The following ACAD9 variants were observed in gnomAD, a reference collection of about 807,000 sequenced individuals.
ACAD9 encodes complex I assembly factor ACAD9, mitochondrial.
ACAD9 carries 53 observed loss-of-function variants against 70.2 expected under a neutral mutation model. The observed-to-expected ratio is 0.75, with a 90% CI of 0.61 to 0.95. The LOEUF (loss-of-function observed/expected upper bound fraction) is 0.95, where lower values mean the gene tolerates loss of function less well. Among genes scored for constraint, ACAD9 ranks in the 40% least tolerant of loss-of-function variants. The probability of loss-of-function intolerance (pLI) is 0.00; values close to 1 mark genes in which losing one functional copy is unlikely to be tolerated. For synonymous variants in ACAD9, 313 were observed against 312.1 expected, an observed-to-expected ratio of 1.00 and a Z score of -0.03; for missense variants, 777 against 802.8, an observed-to-expected ratio of 0.97 and a Z score of 0.39.
At position 128,902,819 on chromosome 3, in the gene ACAD9, C is replaced by T. The variant is rs542030418; in HGVS notation, c.958+191C>T. ...CCTGCCCCTGAGGTTTGTTGTCTTC[C>T]GCATTCCTCTGTTTCACCTCCACCC... On this transcript the variant is annotated intron_variant, in intron 9 of 17. Transcript: ENST00000308982. This position sits in a 1 kb window ranked among gnomAD's most constrained non-coding sequence, Gnocchi z 4.0. 4.3e-4 allele frequency among the ~76,000 whole-genome samples: 65 copies of T among 152,288 alleles called. No homozygotes were observed. The highest frequency in any genetic ancestry group is 6.3e-4 in the Non-Finnish European group (43 of 68,014).
intron 4 of ACAD9, among the ~76,000 whole-genome samples, chr3:128,896,023 T>C (rs940066903): frequency 2.0e-5 from 3 of 152,212 alleles, no homozygotes; most frequent in African/African-American, 7.2e-5. Flanking sequence ...GCACCTTCTT[T>C]AGGATAGGCT....
chr3:128,899,954 CAT>C (rs1156650156), intron 7 of ACAD9, among the ~76,000 whole-genome samples: 1 of 152,188 alleles, frequency 6.6e-6, no homozygotes, highest in Admixed American at 6.5e-5. Flanking sequence ...CCGTGGGAGA[CAT>C]AGTCTCCCTC....
At chr3:128,910,426 G>A in intron 16 of ACAD9, 1 of 1,296,088 alleles carries the variant, frequency 7.7e-7, no homozygotes, top group Non-Finnish European at 1.0e-6. Flanking sequence ...CGCTGTGCTG[G>A]AGGGAGGCGG....
chr3:128,896,664 A>G (rs1455282105), intron 5 of ACAD9, 128 bp downstream of exon 5: 14 of 882,338 alleles, frequency 1.6e-5, no homozygotes, highest in African/African-American at 3.3e-5. Context: ...CAAAGAATCA[A>G]CTCAGCAACT....
chr3:128,889,564 A>T (rs1053735728), intron 2 of ACAD9, among the ~76,000 whole-genome samples: 1 of 152,032 alleles, frequency 6.6e-6, no homozygotes, highest in African/African-American at 2.4e-5. Context: ...GCAACTGCTG[A>T]TCTGTTTTCT....
chr3:128,911,634 G>A (rs1559836851), intron 17 of ACAD9, among the ~76,000 whole-genome samples: 4 of 151,862 alleles, frequency 2.6e-5, no homozygotes. Context: ...AACAAACAGG[G>A]TTTCACCATG....
rs1935194509 is a variant in ACAD9, at chr3:128,884,681, G to A, written c.179G>A (p.Ser60Asn). ...KKEVFPFPEVSQDELNEINQF... is the reference protein window; with the variant it reads ...KKEVFPFPEVNQDELNEINQF... ...GAAGTTTTCCCATTTCCAGAAGTTA[G>A]CCAAGATGAACTTAATGAAATCAAT... Residue 60 changes from serine (S) to asparagine (N), a missense_variant, in exon 2 of 18, where the codon AGC becomes AAC. By Grantham distance (46) the Ser-to-Asn change is conservative. Coordinates refer to ENST00000308982, the MANE Select transcript of ACAD9 (RefSeq NM_014049.5). 1.2e-6 allele frequency: 2 copies of A among 1,612,502 alleles called. No individual in the cohort carries two copies. Among genetic ancestry groups the A allele is most frequent in the Non-Finnish European group, 1.7e-6 (2 of 1,179,638 alleles).
rs778926576 is a variant in ACAD9, at chr3:128,896,442, A to G, written c.460A>G (p.Ile154Val). ...AHQAIGLKGI[I>V]LAGTEEQKAK... Reference sequence around the variant, plus strand: ...CTGTGTCTGTTTTGTTTAGGGGATCATCTTGGCTGGCACTGAGGAGCAGAA... The same window carrying G: ...CTGTGTCTGTTTTGTTTAGGGGATCGTCTTGGCTGGCACTGAGGAGCAGAA... Residue 154 changes from isoleucine (I) to valine (V), a missense_variant, in exon 5 of 18, where the codon ATC (isoleucine) becomes GTC (valine). Physicochemically the swap from Ile to Val is conservative, Grantham distance 29. Transcript: ENST00000308982. 1.9e-6 allele frequency: 3 copies of G among 1,614,222 alleles called. No individual in the cohort carries two copies. The highest frequency in any genetic ancestry group is 2.5e-6 in the Non-Finnish European group (3 of 1,180,022).
intron 16 of ACAD9, 26 bp downstream of exon 16, chr3:128,910,175 G>A (rs779269588): frequency 1.2e-6 from 2 of 1,613,654 alleles, no homozygotes; most frequent in Non-Finnish European, 1.7e-6. Flanking sequence ...CCTCACACAG[G>A]GCCTGGCTGC....
At chr3:128,880,072 G>T in intron 1 of ACAD9, 1 of 1,489,026 alleles carries the variant, frequency 6.7e-7, no homozygotes. Context: ...ACGTGTTCCA[G>T]CTAAATTTTG....
At chr3:128,909,891 A>ATTCT in intron 15 of ACAD9, 130 bp from the exon 16 acceptor site, 1 of 1,285,828 alleles carries the variant, frequency 7.8e-7, no homozygotes, top group Non-Finnish European at 1.1e-6. Flanking sequence ...CCTGAAGAGA[A>ATTCT]AGGTGTTATT....
chr3:128,910,736 G>A lies in ACAD9; in HGVS notation c.1693-5G>A. The A allele has an allele frequency of 6.2e-7, 1 of 1,614,180 alleles. No homozygotes were observed. Among genetic ancestry groups the A allele is most frequent in the Non-Finnish European group, 8.5e-7 (1 of 1,180,024 alleles). Reference sequence around the variant, plus strand: ...GCATATCTTTTCTGTCCTCGGTTCTGGCAGGTTCTCTTGGCCAACACCTTC... The same window carrying A: ...GCATATCTTTTCTGTCCTCGGTTCTAGCAGGTTCTCTTGGCCAACACCTTC... On this transcript the variant is annotated splice_polypyrimidine_tract_variant and splice_region_variant and intron_variant, in intron 16 of 17. Transcript: ENST00000308982.
At chr3:128,894,332 G>A (rs182688570) in intron 3 of ACAD9, among the ~76,000 whole-genome samples, 5 of 152,290 alleles carry the variant, frequency 3.3e-5, no homozygotes, top group Admixed American at 2.0e-4. Flanking sequence ...TGGATACTGG[G>A]CAGTGGGTCA....
rs760934225 is a variant in ACAD9 at position 128,904,116 on chromosome 3, A to G, written c.1013A>G (p.Glu338Gly). ...TRKQFNKRLS[E>G]FGLIQEKFAL... ...AAACAGTTTAACAAGAGGCTCAGTG[A>G]ATTTGGATTGATTCAGGTACCAATG... The change falls in exon 10 of 18, where the codon GAA (glutamate) becomes GGA (glycine). Residue 338 changes from glutamate to glycine, a missense_variant. Physicochemically the swap from Glu to Gly is moderately conservative, Grantham distance 98. Transcript: ENST00000308982. 1 of 1,614,158 alleles carries G rather than the reference A, an allele frequency of 6.2e-7. No individual in the cohort carries two copies. The highest frequency in any genetic ancestry group is 1.3e-5 in the African/African-American group (1 of 75,026).
At chr3:128,908,709 A>T (rs2107662184) in intron 13 of ACAD9, 1 of 573,592 alleles carries the variant, frequency 1.7e-6, no homozygotes, top group Non-Finnish European at 3.1e-6. Flanking sequence ...TGCTAGTAGC[A>T]TTTTGTCTCC....
chr3:128,904,998 T>A (rs1935846141), intron 11 of ACAD9, among the ~76,000 whole-genome samples: 1 of 151,712 alleles, frequency 6.6e-6, no homozygotes, highest in African/African-American at 2.4e-5. Flanking sequence ...CACAAAAAAT[T>A]AGCCGGGCAT....
intron 15 of ACAD9, chr3:128,909,769 G>A (rs1559831778): frequency 8.1e-6 from 5 of 615,720 alleles, no homozygotes; most frequent in Non-Finnish European, 8.5e-6. Flanking sequence ...GTAAGCACTG[G>A]CTTCTGGTCT....
chr3:128,880,076 A>C (rs1005817922), intron 1 of ACAD9: 2 of 1,481,826 alleles, frequency 1.3e-6, no homozygotes, highest in Non-Finnish European at 1.8e-6. Flanking sequence ...GTTCCAGCTA[A>C]ATTTTGTCAG....
Position 128,912,524 on chromosome 3 carries a change from G to A in ACAD9, c.1783G>A (p.Asp595Asn), listed in dbSNP as rs751683741. Residue 595 changes from aspartate (D) to asparagine (N), a missense_variant, in exon 18 of 18, where the codon GAT (aspartate) becomes AAT (asparagine). Asp to Asn is a conservative substitution (Grantham distance 23, BLOSUM62 1). Transcript: ENST00000308982. ...CTTCCCAGATGCTCCAGAAAACCTA[G>A]ATGAGCAGATTAAGAAAGTGTCCCA... is the stretch of plus-strand genomic sequence containing the variant. ...QLDKYAPENL[D>N]EQIKKVSQQI... 4 of 1,613,542 alleles carry A rather than the reference G, an allele frequency of 2.5e-6. No homozygotes were observed. The Admixed American group carries it at 6.7e-5, about 27-fold the overall frequency.
Sources: allele counts gnomAD v4.1 joint callset (sites outside exome capture counted in the v4.1 genomes callset), GRCh38; gene constraint gnomAD v4.1.1; non-coding constraint Gnocchi (gnomAD v3.1); transcripts MANE v1.5; gene names NCBI Gene and HGNC (gene_info 2026-07-23, HGNC 2026-07-21).